The following EXOC4 variants were observed in gnomAD, a reference collection of about 807,000 sequenced individuals.
The protein encoded by EXOC4 is SEC8-like 1.
A neutral mutation model predicts 107.2 loss-of-function variants in EXOC4; 71 were observed. The ratio of observed to expected loss-of-function variants is 0.66; its 90% confidence interval spans 0.55 to 0.81. EXOC4 has a LOEUF of 0.81. EXOC4 is among the 30% of genes least tolerant of loss of function. The pLI, the probability that EXOC4 is intolerant of heterozygous loss-of-function variation, is 0.00. For synonymous variants in EXOC4, 456 were observed against 441.2 expected, an observed-to-expected ratio of 1.03 and a Z score of -0.42; for missense variants, 1,108 against 1,189.6, an observed-to-expected ratio of 0.93 and a Z score of 1.01.
chr7:134,031,334 G>A lies in EXOC4; in HGVS notation c.2687+23499G>A, dbSNP rs1365148381. 3.3e-5 allele frequency among the ~76,000 whole-genome samples: 5 copies of A among 152,220 alleles called. No individual in the cohort carries two copies. The South Asian group carries it at 6.2e-4, about 19-fold the overall frequency. On this transcript the variant is annotated intron_variant, in intron 17 of 17. Coordinates refer to ENST00000253861, the MANE Select transcript of EXOC4 (RefSeq NM_021807.4). ...ATAAGAGCAAAAACTGAGAGCAGTG[G>A]TAGGGAATAGCAGAGAGTTTTTGGT...
intron 9 of EXOC4, among the ~76,000 whole-genome samples, chr7:133,555,592 C>T (rs888410364): frequency 6.6e-6 from 1 of 152,102 alleles, no homozygotes; most frequent in South Asian, 2.1e-4. Context: ...ATTTTGGCAT[C>T]TACAAAATAA....
At chr7:133,511,491 A>G (rs1799768220) in intron 9 of EXOC4, among the ~76,000 whole-genome samples, 1 of 152,070 alleles carries the variant, frequency 6.6e-6, no homozygotes, top group African/African-American at 2.4e-5. Context: ...CTGGCACGGG[A>G]GTAGGAGCGG....
chr7:133,563,673 G>T (rs1220310824), intron 9 of EXOC4, among the ~76,000 whole-genome samples: 1 of 152,162 alleles, frequency 6.6e-6, no homozygotes, highest in Non-Finnish European at 1.5e-5. Flanking sequence ...CATTGAAATG[G>T]ATTGGTAAAA....
At chr7:133,307,153 G>A (rs901016047) in intron 4 of EXOC4, among the ~76,000 whole-genome samples, 1 of 152,166 alleles carries the variant, frequency 6.6e-6, no homozygotes, top group Non-Finnish European at 1.5e-5. Flanking sequence ...GTCTTATCCT[G>A]TTTGAACAAA....
At chr7:133,883,230 CTTT>C (rs1224268956) in intron 11 of EXOC4, among the ~76,000 whole-genome samples, 2 of 151,544 alleles carry the variant, frequency 1.3e-5, no homozygotes, top group Admixed American at 1.3e-4. Flanking sequence ...AGTAGCTTGT[CTTT>C]TTTATTATTC....
the EXOC4 span, among the ~76,000 whole-genome samples, chr7:134,086,698 GA>G: frequency 6.6e-6 from 1 of 152,190 alleles, no homozygotes; most frequent in East Asian, 1.9e-4. Flanking sequence ...TCTTGGGCAA[GA>G]AAAAATTCAG....
intron 17 of EXOC4, among the ~76,000 whole-genome samples, chr7:134,023,657 C>G (rs139910871): frequency 8.5e-5 from 13 of 152,266 alleles, no homozygotes; most frequent in Non-Finnish European, 7.4e-5. Flanking sequence ...AAAGTCAGGT[C>G]TATCTGCAGT....
At chr7:133,263,374 CTTTTTTTTTTTT>C (rs920302686) in intron 1 of EXOC4, among the ~76,000 whole-genome samples, 11 of 83,984 alleles carry the variant, frequency 1.3e-4, no homozygotes, top group South Asian at 4.5e-4. Context: ...AAAAAGCATT[CTTTTTTTTTTTT>C]TTTTTTTTTT....
chr7:133,602,109 C>A (rs1306213909), intron 9 of EXOC4: 4 of 152,192 alleles, frequency 2.6e-5, no homozygotes, highest in Non-Finnish European at 5.9e-5. Context: ...TAAAAATATA[C>A]AACTCCAAAT....
chr7:133,493,656 C>T (rs73148993), intron 9 of EXOC4, among the ~76,000 whole-genome samples: 2 of 151,968 alleles, frequency 1.3e-5, no homozygotes, highest in African/African-American at 4.8e-5. Context: ...CTCCTCCCCC[C>T]ACCCCCATTT....
At chr7:133,267,921 A>G (rs1343696) in intron 1 of EXOC4, among the ~76,000 whole-genome samples, 104 of 152,306 alleles carry the variant, frequency 6.8e-4, no homozygotes, top group Non-Finnish European at 1.2e-3. Flanking sequence ...CTGTAAGAAT[A>G]TAGAGAAAAG....
chr7:133,905,656 G>A (rs1039655999), intron 12 of EXOC4, among the ~76,000 whole-genome samples: 14 of 152,242 alleles, frequency 9.2e-5, no homozygotes, highest in African/African-American at 3.4e-4. Context: ...GGAGGTGGGG[G>A]ATAAGGAGGC....
At chr7:133,617,723 A>G (rs1177562363) in intron 9 of EXOC4, among the ~76,000 whole-genome samples, 2 of 152,178 alleles carry the variant, frequency 1.3e-5, no homozygotes, top group African/African-American at 4.8e-5. Flanking sequence ...ACTAAAAGGA[A>G]GTTGGTCACC....
At chr7:133,804,158 C>T (rs1797015001) in intron 10 of EXOC4, among the ~76,000 whole-genome samples, 1 of 152,068 alleles carries the variant, frequency 6.6e-6, no homozygotes, top group Non-Finnish European at 1.5e-5. Context: ...TTTGTGAATA[C>T]CGTTGCAAGA....
intron 10 of EXOC4, among the ~76,000 whole-genome samples, chr7:133,737,054 C>T (rs545247824): frequency 3.9e-5 from 6 of 152,232 alleles, no homozygotes; most frequent in African/African-American, 4.8e-5. Flanking sequence ...CTATAGATTC[C>T]GTCCTATACA....
chr7:133,330,158 G>A (rs188313011), intron 5 of EXOC4, among the ~76,000 whole-genome samples: 52 of 152,130 alleles, frequency 3.4e-4, no homozygotes, highest in African/African-American at 1.1e-3. Flanking sequence ...TGGCCACAGC[G>A]GCCTTGCTGA....
intron 5 of EXOC4, among the ~76,000 whole-genome samples, chr7:133,327,211 A>G (rs1364766855): frequency 6.6e-6 from 1 of 152,068 alleles, no homozygotes; most frequent in Non-Finnish European, 1.5e-5. Flanking sequence ...CTGCGCACCC[A>G]CTGTCCTGCC....
chr7:133,837,598 G>A (rs145050592), intron 11 of EXOC4, among the ~76,000 whole-genome samples: 1 of 152,122 alleles, frequency 6.6e-6, no homozygotes, highest in African/African-American at 2.4e-5. Flanking sequence ...GAGGCAGAAG[G>A]TAACAATCTC....
At chr7:133,901,610 C>G (rs1799453395) in intron 12 of EXOC4, among the ~76,000 whole-genome samples, 1 of 152,178 alleles carries the variant, frequency 6.6e-6, no homozygotes, top group Non-Finnish European at 1.5e-5. Flanking sequence ...CAAAAATTGT[C>G]AATCTTTTAT....
Sources: allele counts gnomAD v4.1 joint callset (sites outside exome capture counted in the v4.1 genomes callset), GRCh38; gene constraint gnomAD v4.1.1; transcripts MANE v1.5; gene names NCBI Gene and HGNC (gene_info 2026-07-23, HGNC 2026-07-21).